The following KNG1 variants were observed in gnomAD, a reference collection of about 807,000 sequenced individuals.
The protein encoded by KNG1 is kininogen 1, also known as kininogen-1.
Under a neutral mutation model 47.8 loss-of-function variants are expected in KNG1, and 23 were observed. That is an observed-to-expected ratio of 0.48 (90% CI 0.35 to 0.68). The LOEUF (loss-of-function observed/expected upper bound fraction) is 0.68, where lower values mean the gene tolerates loss of function less well. Among genes scored for constraint, KNG1 ranks in the 30% least tolerant of loss-of-function variants. KNG1 has a pLI of 0.01. For missense variants in KNG1, 762 were observed against 790.2 expected (o/e 0.96, Z 0.43); for synonymous variants, 277 against 277.0 (o/e 1.00, Z 0.00).
intron 3 of KNG1, among the ~76,000 whole-genome samples, chr3:186,723,898 C>T (rs1035871504): frequency 2.6e-5 from 4 of 152,180 alleles, no homozygotes; most frequent in Admixed American, 2.0e-4. Context: ...AGGTGATCCA[C>T]CCGCCTCGGC....
chr3:186,725,596 G>A (rs1720342353), intron 4 of KNG1, among the ~76,000 whole-genome samples: 1 of 127,098 alleles, frequency 7.9e-6, no homozygotes, highest in Non-Finnish European at 1.6e-5. Context: ...CCAGGCTGGA[G>A]TGCAGTGGCG....
chr3:186,727,448 A>C (rs5030025), intron 5 of KNG1, 104 bp downstream of exon 5: 170,340 of 751,410 alleles, frequency 0.23, 20,318 homozygotes, highest in South Asian at 0.33. Context: ...TTTAGATGAC[A>C]TTCAGCAATT....
chr3:186,727,380 C>T (rs1281638383), intron 5 of KNG1, 36 bp downstream of exon 5: 7 of 1,332,340 alleles, frequency 5.3e-6, no homozygotes, highest in Non-Finnish European at 6.5e-6. Context: ...AAGTTCTTAG[C>T]ATTTTGTTTA....
chr3:186,724,286 G>A (rs771814894), intron 3 of KNG1, among the ~76,000 whole-genome samples: 13 of 152,206 alleles, frequency 8.5e-5, no homozygotes, highest in Non-Finnish European at 1.5e-4. Flanking sequence ...TGGTGAAGAA[G>A]TCCAGGCTCC....
At position 186,742,060 on chromosome 3, in the gene KNG1, G is replaced by A. The variant is rs955451273; in HGVS notation, c.1664G>A (p.Gly555Asp). Residue 555 changes from glycine (G) to aspartate (D), a missense_variant, in exon 10 of 10, where the codon GGT (glycine) becomes GAT (aspartate). Transcript: ENST00000644859. ...CCCATCCCTTCCCTAGCCAAGCCAGGTGTAACAGTTACCTTTTCTGACTTT... is the reference window on the plus strand; with the variant it reads ...CCCATCCCTTCCCTAGCCAAGCCAGATGTAACAGTTACCTTTTCTGACTTT... ...PTPIPSLAKP[G>D]VTVTFSDFQD... is the part of the protein sequence containing the mutation. 3.7e-6 allele frequency: 6 copies of A among 1,613,870 alleles called. No individual in the cohort carries two copies. The highest frequency in any genetic ancestry group is 3.3e-5 in the Admixed American group (2 of 59,980).
Position 186,743,835 on chromosome 3 carries a change from C to A in KNG1, c.*1504C>A. 7.7e-7 allele frequency: 1 copy of A among 1,294,070 alleles called. No homozygotes were observed. The allele number at this position is 1,294,070 out of a possible 1,614,324, so 80.2% of individuals were successfully genotyped here. On this transcript the variant is annotated 3_prime_UTR_variant, in exon 10 of 10. Coordinates refer to ENST00000644859, the MANE Select transcript of KNG1 (RefSeq NM_001102416.3). ...GGCACATAGCCCCAACCACCTCTGC[C>A]AGCAACCTTGAGAGGAAGGACAAGA...
chr3:186,730,984 T>C (rs1720516641), intron 5 of KNG1, among the ~76,000 whole-genome samples: 1 of 152,004 alleles, frequency 6.6e-6, no homozygotes. Flanking sequence ...TATTCACGTG[T>C]AATTTTTTCT....
chr3:186,743,764 A>T lies in KNG1; in HGVS notation c.*1433A>T, dbSNP rs201614575. 1 of 1,614,112 alleles carries T rather than the reference A, an allele frequency of 6.2e-7. No homozygotes were observed. Among genetic ancestry groups the T allele is most frequent in the Non-Finnish European group, 8.5e-7 (1 of 1,179,950 alleles). On this transcript the variant is annotated 3_prime_UTR_variant, in exon 10 of 10. Coordinates refer to ENST00000644859, the MANE Select transcript of KNG1 (RefSeq NM_001102416.3). ...CCCCAAAGGCAGGGGCAGAGCCAGC[A>T]TCTGAGAGGGAGGTCTCTTGACCAA...
Position 186,739,204 on chromosome 3 carries a change from G to T in KNG1, c.1036G>T (p.Gly346Cys), listed in dbSNP as rs1310598517. ...CGAAAGCTGTGAGACCAAAAAACTT[G>T]GCGTGAGTAGTCATGCACCTGTCTA... ...LTESCETKKL[G>C]QSLDCNAEVY... The change falls in exon 8 of 10, where the codon GGC becomes TGC. Residue 346 changes from glycine (G) to cysteine (C), a missense_variant and splice_region_variant. Coordinates refer to ENST00000644859, the MANE Select transcript of KNG1 (RefSeq NM_001102416.3). 6.2e-7 allele frequency: 1 copy of T among 1,612,168 alleles called. No individual in the cohort carries two copies. Among genetic ancestry groups the T allele is most frequent in the Non-Finnish European group, 8.5e-7 (1 of 1,178,364 alleles).
chr3:186,734,843 A>C (rs1302070720), intron 7 of KNG1: 1 of 152,170 alleles, frequency 6.6e-6, no homozygotes, highest in Non-Finnish European at 1.5e-5. Flanking sequence ...ACCTGGAAAC[A>C]AACAAAAAAA....
In KNG1 at chr3:186,731,591, G is replaced by A. The variant is rs369801278; in HGVS notation, c.719G>A (p.Arg240Gln). The A allele has an allele frequency of 2.9e-5, 46 of 1,611,592 alleles. No homozygotes were observed. Among genetic ancestry groups the A allele is most frequent in the African/African-American group, 1.9e-4 (14 of 74,982 alleles). Residue 240 changes from arginine to glutamine, a missense_variant, in exon 6 of 10, where the codon CGA becomes CAA. Transcript: ENST00000644859. Reference protein sequence around the residue: ...TDNAYIDIQLRIASFSQNCDI... With the variant: ...TDNAYIDIQLQIASFSQNCDI... ...AATGCATACATCGATATTCAGCTAC[G>A]AATTGCTTCCTTCTCACAGAACTGT...
At chr3:186,726,136 G>A (rs1720364419) in intron 4 of KNG1, among the ~76,000 whole-genome samples, 1 of 151,866 alleles carries the variant, frequency 6.6e-6, no homozygotes, top group South Asian at 2.1e-4. Flanking sequence ...TCACCATGGT[G>A]GCCAAGCGGG....
chr3:186,730,505 A>G (rs2108628052), intron 5 of KNG1, among the ~76,000 whole-genome samples: 1 of 151,530 alleles, frequency 6.6e-6, no homozygotes, highest in Middle Eastern at 3.4e-3. Context: ...AATACAAAAA[A>G]ATTAGCCGGG....
At chr3:186,720,488 T>A in intron 2 of KNG1, 2 of 355,974 alleles carry the variant, frequency 5.6e-6, no homozygotes, top group Non-Finnish European at 5.2e-6. Flanking sequence ...TCCAGAGAGA[T>A]AACAAATTGA....
rs781383721 is a variant in KNG1, at chr3:186,727,290, T to G, written c.618T>G (p.Cys206Trp). The change falls in exon 5 of 10, where the codon TGT (cysteine) becomes TGG (tryptophan). Residue 206 changes from cysteine (C) to tryptophan (W), a missense_variant. Coordinates refer to ENST00000644859, the MANE Select transcript of KNG1 (RefSeq NM_001102416.3). The part of the protein sequence containing the change: ...RITYSIVQTN[C>W]SKENFLFLTP... Reference sequence around the variant, plus strand: ...CCTACTCAATTGTGCAAACGAATTGTTCCAAAGAGAATTTTCTGTTCTTAA... The same window carrying G: ...CCTACTCAATTGTGCAAACGAATTGGTCCAAAGAGAATTTTCTGTTCTTAA... 21 of 1,613,952 alleles carry G rather than the reference T, an allele frequency of 1.3e-5. No homozygotes were observed. The East Asian group carries it at 4.0e-4, about 31-fold the overall frequency.
chr3:186,731,662 A>G (rs775178526), intron 6 of KNG1, 33 bp downstream of exon 6: 1 of 1,337,808 alleles, frequency 7.5e-7, no homozygotes, highest in Non-Finnish European at 1.1e-6. Flanking sequence ...ACCGCAATAG[A>G]GGAATAGTGG....
intron 1 of KNG1, among the ~76,000 whole-genome samples, chr3:186,719,099 T>C (rs896127264): frequency 6.6e-6 from 1 of 152,156 alleles, no homozygotes; most frequent in African/African-American, 2.4e-5. Context: ...TTTTCTTTCA[T>C]AATCTAGTAC....
At chr3:186,722,082 A>C in intron 2 of KNG1, 1 of 200,236 alleles carries the variant, frequency 5.0e-6, no homozygotes, top group South Asian at 7.3e-5. Context: ...GCACTGTTGC[A>C]CTCCAGCCTG....
rs1720145830 is a variant in KNG1 at position 186,720,161 on chromosome 3, T to C, written c.252T>C (p.Pro84=). 1 of 1,613,952 alleles carries C rather than the reference T, an allele frequency of 6.2e-7. No individual in the cohort carries two copies. The highest frequency in any genetic ancestry group is 1.3e-5 in the African/African-American group (1 of 74,924). Residue 84 remains proline, a synonymous_variant, in exon 2 of 10, where the codon CCT becomes CCC. Coordinates refer to ENST00000644859, the MANE Select transcript of KNG1 (RefSeq NM_001102416.3). ...FKYEIKEGDC[P]VQSGKTWQDC... is the part of the protein sequence containing the mutation. ...ACGAAATCAAGGAGGGGGATTGTCCTGTTCAAAGTGGCAAAACCTGGCAGG... is the reference window on the plus strand; with the variant it reads ...ACGAAATCAAGGAGGGGGATTGTCCCGTTCAAAGTGGCAAAACCTGGCAGG...
Sources: gnomAD v4.1 joint callset for allele counts (sites outside exome capture counted in the v4.1 genomes callset) on GRCh38, gnomAD v4.1.1 for gene constraint, MANE v1.5 for transcripts, NCBI Gene and HGNC (gene_info 2026-07-23, HGNC 2026-07-21) for gene names.